Variants in CUL3 observed in about 807,000 individuals in gnomAD.
CUL3 encodes the protein cullin 3.
CUL3 carries 19 observed loss-of-function variants against 89.1 expected under a neutral mutation model. The ratio of observed to expected loss-of-function variants is 0.21; its 90% CI spans 0.15 to 0.31. The LOEUF (loss-of-function observed/expected upper bound fraction) is 0.31. CUL3 is among the 10% of genes least tolerant of loss of function. The probability of loss-of-function intolerance (pLI) is 1.00; values close to 1 mark genes in which losing one functional copy is unlikely to be tolerated. For missense variants in CUL3, 469 were observed against 942.3 expected, an observed-to-expected ratio of 0.50 and a Z score of 6.58; for synonymous variants, 351 against 308.4, an observed-to-expected ratio of 1.14 and a Z score of -1.45.
intron 11 of CUL3, among the ~76,000 whole-genome samples, chr2:224,498,385 G>A (rs1692248725): frequency 6.6e-6 from 1 of 151,610 alleles, no homozygotes; most frequent in African/African-American, 2.4e-5. Context: ...TATGTTTTTT[G>A]TCACTATCCA....
At position 224,474,094 on chromosome 2, in the gene CUL3, C is replaced by G; in HGVS notation, c.*151G>C. Reference sequence around the variant, plus strand: ...TCAATCAACTGATGTTGGAAACTCTCAAAGGGAGTAAAGGCTTGATCTCAA... The same window carrying G: ...TCAATCAACTGATGTTGGAAACTCTGAAAGGGAGTAAAGGCTTGATCTCAA... On this transcript the variant is annotated 3_prime_UTR_variant, in exon 16 of 16. Transcript: ENST00000264414. 2 of 686,750 alleles carry G rather than the reference C, an allele frequency of 2.9e-6. No individual in the cohort carries two copies. The highest frequency in any genetic ancestry group is 4.5e-6 in the Non-Finnish European group (2 of 443,148). The allele number at this position is 686,750 out of a possible 1,614,324, so 42.5% of individuals were successfully genotyped here.
chr2:224,472,359 A>G lies in CUL3; in HGVS notation c.*1886T>C, dbSNP rs1303580245. 4.8e-6 allele frequency: 1 copy of G among 209,860 alleles called. No homozygotes were observed. The highest frequency in any genetic ancestry group is 2.3e-5 in the African/African-American group (1 of 44,044). The allele number at this position is 209,860 out of a possible 1,614,324, so 13.0% of individuals were successfully genotyped here. On this transcript the variant is annotated 3_prime_UTR_variant, in exon 16 of 16. Transcript: ENST00000264414. ...TACATCGCTCATGTTTACTAACTCG[A>G]CAATCTGAGCTGTCCTGTTTTCCCA...
At chr2:224,540,293 A>T (rs1252877508) in intron 2 of CUL3, among the ~76,000 whole-genome samples, 1 of 151,798 alleles carries the variant, frequency 6.6e-6, no homozygotes, top group Non-Finnish European at 1.5e-5. Flanking sequence ...CCTGACCTCA[A>T]GTGATCCACT....
intron 2 of CUL3, among the ~76,000 whole-genome samples, chr2:224,553,888 G>T (rs577414336): frequency 3.1e-4 from 47 of 152,288 alleles, no homozygotes; most frequent in African/African-American, 1.1e-3. Context: ...TTAAGATGAG[G>T]AAGACAACAG....
At chr2:224,519,110 T>C (rs1360059650) in intron 3 of CUL3, among the ~76,000 whole-genome samples, 1 of 152,228 alleles carries the variant, frequency 6.6e-6, no homozygotes, top group Non-Finnish European at 1.5e-5. Flanking sequence ...TCTGAAACTC[T>C]GAGCATCAAC....
Position 224,529,336 on chromosome 2 carries a change from G to T in CUL3, c.378+6192C>A, listed in dbSNP as rs115821595. On this transcript the variant is annotated intron_variant, in intron 3 of 15. Transcript: ENST00000264414. ...TATTTCTTTAATAAAAGAATGAATC[G>T]GCTGGGTGTGGTGGCTCACGCCTGT... Among the ~76,000 whole-genome samples the T allele has an allele frequency of 8.2e-3, 1,254 of 152,020 alleles. 10 individuals are homozygous for T. The highest frequency in any genetic ancestry group is 0.029 in the African/African-American group (1,196 of 41,476).
intron 2 of CUL3, among the ~76,000 whole-genome samples, chr2:224,554,592 G>A (rs1694635416): frequency 6.6e-6 from 1 of 152,154 alleles, no homozygotes; most frequent in Admixed American, 6.5e-5. Flanking sequence ...CCAATTATCT[G>A]TGCCTTGGTT....
chr2:224,550,382 GCAT>G (rs774986833), intron 2 of CUL3, among the ~76,000 whole-genome samples: 9 of 152,184 alleles, frequency 5.9e-5, no homozygotes, highest in Admixed American at 3.9e-4. Flanking sequence ...TTCCACTGTG[GCAT>G]CATGTTGGCG....
Position 224,506,015 on chromosome 2 carries a change from T to C in CUL3, c.1147A>G (p.Arg383Gly). 1 of 1,612,174 alleles carries C rather than the reference T, an allele frequency of 6.2e-7. No homozygotes were observed. ...DFEYFLNLNS[R>G]SPEYLSLFID... ...AATAATGAGAGGTATTCAGGAGACC[T>C]GGAGTTGAGGTTGAGAAAATACTCA... Residue 383 changes from arginine to glycine, a missense_variant, in exon 8 of 16, where the codon AGG becomes GGG. Transcript: ENST00000264414.
At chr2:224,529,056 TGAGTA>T (rs913586466) in intron 3 of CUL3, among the ~76,000 whole-genome samples, 1 of 152,198 alleles carries the variant, frequency 6.6e-6, no homozygotes, top group Non-Finnish European at 1.5e-5. Flanking sequence ...TGTAATTGCT[TGAGTA>T]GTCTATGGAA....
At chr2:224,524,858 A>C (rs1264199817) in intron 3 of CUL3, among the ~76,000 whole-genome samples, 1 of 152,210 alleles carries the variant, frequency 6.6e-6, no homozygotes, top group Non-Finnish European at 1.5e-5. Flanking sequence ...CAAGAAGTCA[A>C]AATGTTCTAA....
At chr2:224,516,318 CTTTTTT>C (rs68130414) in intron 3 of CUL3, among the ~76,000 whole-genome samples, 1 of 133,444 alleles carries the variant, frequency 7.5e-6, no homozygotes, top group Admixed American at 7.5e-5. Flanking sequence ...TTTTTGTTTG[CTTTTTT>C]TTTTTTTTTT....
chr2:224,544,678 T>TTAAAG (rs1441273831), intron 2 of CUL3, among the ~76,000 whole-genome samples: 1 of 151,518 alleles, frequency 6.6e-6, no homozygotes, highest in Non-Finnish European at 1.5e-5. Context: ...TAAATAATTC[T>TTAAAG]TAAAGATTTC....
At chr2:224,559,477 C>CA in intron 1 of CUL3, among the ~76,000 whole-genome samples, 1 of 149,948 alleles carries the variant, frequency 6.7e-6, no homozygotes. Context: ...AAAAAAATGT[C>CA]AGTTTCCTAT....
chr2:224,508,755 C>T (rs980918866), intron 6 of CUL3, among the ~76,000 whole-genome samples: 2 of 151,970 alleles, frequency 1.3e-5, no homozygotes, highest in African/African-American at 2.4e-5. Flanking sequence ...GTCAGGATAT[C>T]GAGACCACCC....
chr2:224,557,058 G>C (rs1694734582), intron 2 of CUL3, among the ~76,000 whole-genome samples: 1 of 151,978 alleles, frequency 6.6e-6, no homozygotes, highest in South Asian at 2.1e-4. Context: ...GCAAGGCATT[G>C]TAATAAAATT....
At chr2:224,564,077 C>T (rs1257485627) in intron 1 of CUL3, among the ~76,000 whole-genome samples, 1 of 152,086 alleles carries the variant, frequency 6.6e-6, no homozygotes, top group Non-Finnish European at 1.5e-5. Context: ...CTTGAGGCCA[C>T]AAGTTCAAGA....
In CUL3 at chr2:224,585,133, G is replaced by T; in HGVS notation, c.-124C>A. On this transcript the variant is annotated 5_prime_UTR_variant, in exon 1 of 16. Coordinates refer to ENST00000264414, the MANE Select transcript of CUL3 (RefSeq NM_003590.5). ...GGCGGCGGCGCGACCCCCGGGCAGG[G>T]CTGGGGAGCTGGCCGGCCCCTGGGC... 1 of 593,696 alleles carries T rather than the reference G, an allele frequency of 1.7e-6. No individual in the cohort carries two copies. The allele number at this position is 593,696 out of a possible 1,614,324, so 36.8% of individuals were successfully genotyped here.
intron 1 of CUL3, among the ~76,000 whole-genome samples, chr2:224,565,987 G>A (rs1256448503): frequency 6.6e-6 from 1 of 152,078 alleles, no homozygotes; most frequent in African/African-American, 2.4e-5. Flanking sequence ...CTCTATTGAG[G>A]TTCTCTTCCA....
Sources: allele counts gnomAD v4.1 joint callset (sites outside exome capture counted in the v4.1 genomes callset), GRCh38; gene constraint gnomAD v4.1.1; transcripts MANE v1.5; gene names NCBI Gene and HGNC (gene_info 2026-07-23, HGNC 2026-07-21).